Variants in TBX5 observed in about 807,000 individuals in gnomAD.
TBX5 encodes the protein T-box transcription factor TBX5.
A neutral mutation model predicts 51.1 loss-of-function variants in TBX5; 8 were observed. That is an observed-to-expected ratio of 0.16 (90% CI 0.09 to 0.28). The LOEUF is 0.28. TBX5 is among the 10% of genes least tolerant of loss of function. The pLI, the probability that TBX5 is intolerant of heterozygous loss-of-function variation, is 1.00. For missense variants in TBX5, 589 were observed against 671.7 expected, an observed-to-expected ratio of 0.88 and a Z score of 1.36; for synonymous variants, 302 against 266.4, an observed-to-expected ratio of 1.13 and a Z score of -1.30.
At chr12:114,367,715 C>T (rs1275021404) in intron 7 of TBX5, among the ~76,000 whole-genome samples, 1 of 152,026 alleles carries the variant, frequency 6.6e-6, no homozygotes, top group Non-Finnish European at 1.5e-5. Context: ...AGAGAAATAT[C>T]CAAGTATGTG....
At chr12:114,397,735 C>T (rs900100832) in intron 5 of TBX5, among the ~76,000 whole-genome samples, 7 of 152,268 alleles carry the variant, frequency 4.6e-5, no homozygotes, top group Admixed American at 3.3e-4. Context: ...TTTACATTCG[C>T]CTGCTCTGGG....
chr12:114,372,981 TACACACAC>T (rs56137685), intron 7 of TBX5, among the ~76,000 whole-genome samples: 29,409 of 142,796 alleles, frequency 0.21, 3,328 homozygotes, highest in Middle Eastern at 0.3. Flanking sequence ...TATATATACA[TACACACAC>T]ACACACACAC....
At chr12:114,385,104 CAAA>C (rs4007268) in intron 7 of TBX5, among the ~76,000 whole-genome samples, 2 of 141,990 alleles carry the variant, frequency 1.4e-5, no homozygotes, top group Non-Finnish European at 1.5e-5. Context: ...GAGCTGTTGC[CAAA>C]AAAAAAAAAA....
At chr12:114,398,796 T>A in intron 4 of TBX5, 76 bp from the exon 5 acceptor site, 2 of 1,533,402 alleles carry the variant, frequency 1.3e-6, no homozygotes, top group South Asian at 2.4e-5. Context: ...CGTGCTTCAG[T>A]TCACGCACCA....
At chr12:114,392,099 G>A (rs554117161) in intron 6 of TBX5, among the ~76,000 whole-genome samples, 1 of 149,924 alleles carries the variant, frequency 6.7e-6, no homozygotes, top group African/African-American at 2.5e-5. Flanking sequence ...CGTGAAATAC[G>A]CATATATCCA....
chr12:114,408,366 G>C (rs978486568), upstream of TBX5: 4 of 277,450 alleles, frequency 1.4e-5, no homozygotes, highest in Non-Finnish European at 1.6e-5. Flanking sequence ...ACGAAGGGAG[G>C]TGGGAGTCCA....
chr12:114,385,911 TC>T (rs1870790387), intron 6 of TBX5, among the ~76,000 whole-genome samples: 2 of 150,952 alleles, frequency 1.3e-5, no homozygotes, highest in South Asian at 4.2e-4. Context: ...CAGTACTCCC[TC>T]CCCTTTGGAA....
intron 5 of TBX5, among the ~76,000 whole-genome samples, chr12:114,396,107 C>CG (rs1348327829): frequency 3.9e-5 from 6 of 151,942 alleles, no homozygotes; most frequent in African/African-American, 1.4e-4. Context: ...CCCTGGAGTC[C>CG]GGCCCCGATC....
At chr12:114,384,881 C>T (rs1870714324) in intron 7 of TBX5, among the ~76,000 whole-genome samples, 2 of 152,128 alleles carry the variant, frequency 1.3e-5, no homozygotes, top group South Asian at 2.1e-4. Flanking sequence ...TTGTACAATC[C>T]TTTCAAATCA....
intron 7 of TBX5, among the ~76,000 whole-genome samples, chr12:114,376,180 C>T (rs1307550926): frequency 3.3e-5 from 5 of 152,072 alleles, no homozygotes; most frequent in African/African-American, 1.2e-4. Flanking sequence ...CTCCCATGAT[C>T]ATTGCAGCAC....
chr12:114,377,093 T>C (rs1870234748), intron 7 of TBX5, among the ~76,000 whole-genome samples: 1 of 152,208 alleles, frequency 6.6e-6, no homozygotes, highest in Non-Finnish European at 1.5e-5. Flanking sequence ...AATGCACTGC[T>C]TCCCTGGAGG....
chr12:114,376,001 T>C (rs1030396770), intron 7 of TBX5, among the ~76,000 whole-genome samples: 1 of 152,112 alleles, frequency 6.6e-6, no homozygotes, highest in African/African-American at 2.4e-5. Flanking sequence ...GCCCTGATCA[T>C]GACACTGCAC....
chr12:114,387,751 G>T (rs1050426434), intron 6 of TBX5, among the ~76,000 whole-genome samples: 1 of 152,200 alleles, frequency 6.6e-6, no homozygotes, highest in Non-Finnish European at 1.5e-5. Flanking sequence ...GGGTGGCTGT[G>T]CATGTGGTGG....
At chr12:114,360,509 T>A (rs1869176546) in intron 8 of TBX5, among the ~76,000 whole-genome samples, 1 of 140,488 alleles carries the variant, frequency 7.1e-6, no homozygotes, top group African/African-American at 2.7e-5. Flanking sequence ...GGTGAATGGA[T>A]GGGTGGGTTG....
rs182135361 is a variant in TBX5 at position 114,392,259 on chromosome 12, G to T, written c.663+2482C>A. ...TTCATGCACATCAATCACTAAATAC[G>T]TGTATTGGGGAAGAAATTTTTTAAA... On this transcript the variant is annotated intron_variant, in intron 6 of 8. Coordinates refer to ENST00000405440, the MANE Select transcript of TBX5 (RefSeq NM_181486.4). Among the ~76,000 whole-genome samples the T allele has an allele frequency of 2.6e-5, 4 of 151,452 alleles. No homozygotes were observed. In the East Asian group the frequency reaches 7.7e-4, roughly 29 times the overall value.
intron 8 of TBX5, among the ~76,000 whole-genome samples, chr12:114,359,230 T>C (rs969629638): frequency 2.0e-5 from 3 of 152,222 alleles, no homozygotes; most frequent in African/African-American, 7.2e-5. Context: ...AAGCAGGTCC[T>C]GAACATTCTC....
intron 2 of TBX5, among the ~76,000 whole-genome samples, chr12:114,403,487 T>A (rs1181096028): frequency 6.6e-6 from 1 of 152,152 alleles, no homozygotes; most frequent in Non-Finnish European, 1.5e-5. Flanking sequence ...TCTCGAACAA[T>A]TTAAATAGAT....
chr12:114,372,949 A>T (rs55646156), intron 7 of TBX5, among the ~76,000 whole-genome samples: 14,631 of 150,626 alleles, frequency 0.097, 883 homozygotes, highest in Middle Eastern at 0.15. Flanking sequence ...AAATGAAATG[A>T]TGCATGGAAA....
rs1167699113 is a variant in TBX5, at chr12:114,354,692, TTTTTAAG to T, written c.*833_*839del. On this transcript the variant is annotated 3_prime_UTR_variant, in exon 9 of 9. Transcript: ENST00000405440. ...GTCCTGCCTACATGTAAACGGGGGCTTTTTAAGTTTTTCAAAGCAAGCTTTCCGGAAG... is the reference window on the plus strand; with the variant it reads ...GTCCTGCCTACATGTAAACGGGGGCTTTTTTCAAAGCAAGCTTTCCGGAAG... 5.2e-5 allele frequency: 8 copies of T among 152,746 alleles called. No individual in the cohort carries two copies. The highest frequency in any genetic ancestry group is 2.6e-4 in the Admixed American group (4 of 15,286). The allele number at this position is 152,746 out of a possible 1,614,324, so 9.5% of individuals were successfully genotyped here.
Sources: allele counts gnomAD v4.1 joint callset (sites outside exome capture counted in the v4.1 genomes callset), GRCh38; gene constraint gnomAD v4.1.1; transcripts MANE v1.5; gene names NCBI Gene and HGNC (gene_info 2026-07-23, HGNC 2026-07-21).